Variants in SLC4A11 observed in about 807,000 individuals in gnomAD.
SLC4A11 encodes the protein solute carrier family 4 member 11.
A neutral mutation model predicts 95.0 loss-of-function variants in SLC4A11; 74 were observed. The observed-to-expected ratio is 0.78, with a 90% CI of 0.65 to 0.95. The LOEUF is 0.95. SLC4A11 is among the 40% of genes least tolerant of loss of function. SLC4A11 has a pLI of 0.00. For synonymous variants in SLC4A11, 548 were observed against 519.0 expected (o/e 1.06, Z -0.76); for missense variants, 1,081 against 1,192.4 (o/e 0.91, Z 1.38).
chr20:3,235,007 G>A, intron 2 of SLC4A11, 113 bp from the exon 3 acceptor site: 1 of 1,362,816 alleles, frequency 7.3e-7, no homozygotes, highest in Non-Finnish European at 1.0e-6. Context: ...TCGGGCCGTG[G>A]TGGGAGAGGC....
chr20:3,232,753 A>C (rs2067822920), intron 7 of SLC4A11, among the ~76,000 whole-genome samples: 1 of 151,952 alleles, frequency 6.6e-6, no homozygotes. Flanking sequence ...CAAATACAAA[A>C]CCCCAAAAGA....
Position 3,229,680 on chromosome 20 carries a change from T to C in SLC4A11, c.1586A>G (p.Asn529Ser), listed in dbSNP as rs2067685951. The C allele has an allele frequency of 6.2e-7, 1 of 1,613,684 alleles. No individual in the cohort carries two copies. The highest frequency in any genetic ancestry group is 1.3e-5 in the African/African-American group (1 of 74,900). ...GTTGAGGGCAGTGTGGAGGCTGGCG[T>C]TGAGGCTGGCGCCGAGGCCTGACAG... is the stretch of plus-strand genomic sequence containing the variant. ...VSLSGLGASL[N>S]ASLHTALNAS... The change falls in exon 14 of 20, where the codon AAC becomes AGC. Residue 529 changes from asparagine (N) to serine (S), a missense_variant. Asn to Ser is a conservative substitution (Grantham distance 46). Around this residue, in one of 3 missense-constraint regions of SLC4A11, gnomAD observed 767 missense variants for 858.0 expected, o/e 0.89. Transcript: ENST00000642402.
At position 3,234,098 on chromosome 20, in the gene SLC4A11, G is replaced by A. The variant is rs752442906; in HGVS notation, c.508C>T (p.Pro170Ser). The A allele has an allele frequency of 4.3e-6, 7 of 1,613,864 alleles. No homozygotes were observed. The South Asian group carries it at 5.5e-5, about 13-fold the overall frequency. ...CCGGCCTCACCTTTACCCCGCATGG[G>A]TGCCCCGGCATCGGTGAAGAGCATG... The part of the protein sequence containing the change: ...MAMLFTDAGA[P>S]MRGKVHLLSD... Residue 170 changes from proline to serine, a missense_variant, in exon 5 of 20, where the codon CCC becomes TCC. Pro to Ser is a moderately conservative substitution (Grantham distance 74, BLOSUM62 -1). Coordinates refer to ENST00000642402, the MANE Select transcript of SLC4A11 (RefSeq NM_001174089.2). The surrounding 1 kb of genome is among the most constrained non-coding windows in gnomAD (Gnocchi z 5.8).
rs751709036 is a variant in SLC4A11, at chr20:3,227,839, C to G, written c.2576G>C (p.Arg859Pro). The G allele has an allele frequency of 6.2e-7, 1 of 1,613,046 alleles. No homozygotes were observed. The highest frequency in any genetic ancestry group is 8.5e-7 in the Non-Finnish European group (1 of 1,179,816). The change falls in exon 20 of 20, where the codon CGA (arginine) becomes CCA (proline). Residue 859 changes from arginine to proline, a missense_variant. Physicochemically the swap from Arg to Pro is moderately radical, Grantham distance 103. Coordinates refer to ENST00000642402, the MANE Select transcript of SLC4A11 (RefSeq NM_001174089.2). ...ATCCAAGTACTTGGCTTCAATGATT[C>G]GGGGCAGCAGGATATAGCTGTGGGG... ...MIPIRYILLP[R>P]IIEAKYLDVM...
chr20:3,234,587 A>C lies in SLC4A11; in HGVS notation c.272T>G (p.Leu91Arg). Residue 91 changes from leucine (L) to arginine (R), a missense_variant, in exon 4 of 20, where the codon CTC (leucine) becomes CGC (arginine). Physicochemically the swap from Leu to Arg is moderately radical, Grantham distance 102. This residue lies in a region of SLC4A11 where 310 missense variants were observed against 313.5 expected (regional missense o/e 0.99). Coordinates refer to ENST00000642402, the MANE Select transcript of SLC4A11 (RefSeq NM_001174089.2). The surrounding 1 kb of genome is among the most constrained non-coding windows in gnomAD (Gnocchi z 5.8). The stretch of plus-strand genomic sequence containing the variant: ...ATTCACCTTTCGGGAGGTGTGCAGG[A>C]GCACACAGCCACCGGAAGTCGCTTC... The part of the protein sequence containing the change: ...ENEATSGGCV[L>R]LHTSRKYLKL... 1 of 1,613,848 alleles carries C rather than the reference A, an allele frequency of 6.2e-7. No homozygotes were observed. The highest frequency in any genetic ancestry group is 1.1e-5 in the South Asian group (1 of 91,086).
At chr20:3,237,615 GC>G in intron 1 of SLC4A11, 27 bp from the exon 2 acceptor site, 1 of 1,614,056 alleles carries the variant, frequency 6.2e-7, no homozygotes, top group Non-Finnish European at 8.5e-7. Context: ...AAGGTCACCA[GC>G]CCCATGGACC....
Position 3,227,738 on chromosome 20 carries a change from T to A in SLC4A11, c.*49A>T, listed in dbSNP as rs568198056. ...TCCCCTCACAGCTCCAGAGCCAGCC[T>A]GGGAGGACGTGGAGGGCTGGCGAAT... is the stretch of plus-strand genomic sequence containing the variant. On this transcript the variant is annotated 3_prime_UTR_variant, in exon 20 of 20. Transcript: ENST00000642402. 1 of 1,592,040 alleles carries A rather than the reference T, an allele frequency of 6.3e-7. No individual in the cohort carries two copies. The highest frequency in any genetic ancestry group is 1.7e-4 in the Middle Eastern group (1 of 6,016).
In SLC4A11 at chr20:3,231,362, T is replaced by C. The variant is rs144285319; in HGVS notation, c.916A>G (p.Thr306Ala). The stretch of plus-strand genomic sequence containing the variant: ...TGTCTGTGGGCAGGGAGGGAGACTG[T>C]GCTGCGTTCCTTCGTTCTCGGCGCC... ...PVAPRTKERS[T>A]VSLPAHRHPE... Residue 306 changes from threonine (T) to alanine (A), a missense_variant, in exon 8 of 20, where the codon ACA becomes GCA. Coordinates refer to ENST00000642402, the MANE Select transcript of SLC4A11 (RefSeq NM_001174089.2). The surrounding 1 kb of genome is among the most constrained non-coding windows in gnomAD (Gnocchi z 5.2). The C allele has an allele frequency of 7.2e-5, 116 of 1,614,038 alleles. No homozygotes were observed. In the African/African-American group the frequency reaches 1.3e-3, roughly 18 times the overall value.
intron 1 of SLC4A11, chr20:3,237,908 A>G: frequency 3.9e-6 from 6 of 1,550,664 alleles, no homozygotes; most frequent in Non-Finnish European, 5.2e-6. Context: ...TCGCTAATCC[A>G]GGTTTTCCTG....
At position 3,234,074 on chromosome 20, in the gene SLC4A11, C is replaced by T. The variant is rs200962876; in HGVS notation, c.523+9G>A. 291 of 1,613,786 alleles carry T rather than the reference C, an allele frequency of 1.8e-4. No homozygotes were observed. Among genetic ancestry groups the T allele is most frequent in the Non-Finnish European group, 2.2e-4 (255 of 1,180,018 alleles). On this transcript the variant is annotated intron_variant, in intron 5 of 19. Coordinates refer to ENST00000642402, the MANE Select transcript of SLC4A11 (RefSeq NM_001174089.2). The surrounding 1 kb of genome is among the most constrained non-coding windows in gnomAD (Gnocchi z 5.8). ...AACGCCCCCGCCCGGGCCGGGAGAC[C>T]GGCCTCACCTTTACCCCGCATGGGT... is the stretch of plus-strand genomic sequence containing the variant.
In SLC4A11 at chr20:3,230,293, G is replaced by T. The variant is rs374846828; in HGVS notation, c.1416-33C>A. 16 of 1,612,160 alleles carry T rather than the reference G, an allele frequency of 9.9e-6. No individual in the cohort carries two copies. In the African/African-American group the frequency reaches 2.0e-4, roughly 20 times the overall value. ...GAGGCCATGAGCCTCATCAGAGTGG[G>T]TGTGGTCAGGGGGCAGGTGGGGGAG... On this transcript the variant is annotated intron_variant, in intron 12 of 19. Transcript: ENST00000642402.
intron 15 of SLC4A11, 26 bp from the exon 16 acceptor site, chr20:3,229,289 A>G: frequency 1.2e-6 from 2 of 1,612,960 alleles, no homozygotes; most frequent in Non-Finnish European, 1.7e-6. Flanking sequence ...GGCTACTGCT[A>G]TGCCTGCAGC....
rs149596294 is a variant in SLC4A11, at chr20:3,231,216, A to G, written c.975T>C (p.Pro325=). The change falls in exon 9 of 20, where the codon CCT becomes CCC. Residue 325 remains proline, a synonymous_variant. Transcript: ENST00000642402. This position sits in a 1 kb window ranked among gnomAD's most constrained non-coding sequence, Gnocchi z 5.2. ...TGTCCTCCCGGATGCCCTTCCCAAA[A>G]GGGACAAAGTCCTTGCACTTTGGGG... The part of the protein sequence containing the change: ...PEPPKCKDFV[P]FGKGIREDIA... 5 of 1,614,070 alleles carry G rather than the reference A, an allele frequency of 3.1e-6. No individual in the cohort carries two copies. The highest frequency in any genetic ancestry group is 2.2e-5 in the South Asian group (2 of 91,080).
Position 3,230,109 on chromosome 20 carries a change from C to A in SLC4A11, c.1489+78G>T, listed in dbSNP as rs1232864958. ...ACTCAGCTTGAGCCAGTCCTATGTGCCCCCAGCCAGGGGCAGTGCAGAACC... is the reference window on the plus strand; with the variant it reads ...ACTCAGCTTGAGCCAGTCCTATGTGACCCCAGCCAGGGGCAGTGCAGAACC... On this transcript the variant is annotated intron_variant, in intron 13 of 19. Coordinates refer to ENST00000642402, the MANE Select transcript of SLC4A11 (RefSeq NM_001174089.2). The A allele has an allele frequency of 4.6e-6, 7 of 1,519,052 alleles. No homozygotes were observed. In the Admixed American group the frequency reaches 8.4e-5, roughly 18 times the overall value. The allele number at this position is 1,519,052 out of a possible 1,614,324, so 94.1% of individuals were successfully genotyped here. A position where few individuals can be genotyped will look rare whatever the true frequency, so the allele number is the denominator to read the frequency against.
chr20:3,229,688 G>C lies in SLC4A11; in HGVS notation c.1578C>G (p.Ala526=). 6.2e-7 allele frequency: 1 copy of C among 1,613,958 alleles called. No individual in the cohort carries two copies. The highest frequency in any genetic ancestry group is 1.1e-5 in the South Asian group (1 of 91,092). Residue 526 remains alanine (A), a synonymous_variant, in exon 14 of 20, where the codon GCC becomes GCG. Transcript: ENST00000642402. ...CAGTGTGGAGGCTGGCGTTGAGGCTGGCGCCGAGGCCTGACAGGCTGACAA... is the reference window on the plus strand; with the variant it reads ...CAGTGTGGAGGCTGGCGTTGAGGCTCGCGCCGAGGCCTGACAGGCTGACAA... The part of the protein sequence containing the change: ...SSLVSLSGLG[A]SLNASLHTAL...
At chr20:3,230,047 G>C in intron 13 of SLC4A11, 140 bp downstream of exon 13, 3 of 1,183,590 alleles carry the variant, frequency 2.5e-6, no homozygotes, top group Non-Finnish European at 3.7e-6. Flanking sequence ...GCCAGCCCAA[G>C]GCTCCCAGAG....
intron 1 of SLC4A11, chr20:3,238,662 C>T: frequency 1.0e-6 from 1 of 998,006 alleles, no homozygotes; most frequent in South Asian, 4.7e-5. Flanking sequence ...TCCAGGGGTT[C>T]CGGGGCTCCC....
chr20:3,238,376 G>A (rs2122661064), intron 1 of SLC4A11: 2 of 985,242 alleles, frequency 2.0e-6, no homozygotes, highest in Non-Finnish European at 2.4e-6. Context: ...GGGTCGGGGC[G>A]CAGGATGTGA....
At chr20:3,229,039 A>T (rs1162527690) in intron 16 of SLC4A11, 28 bp from the exon 17 acceptor site, 2 of 1,605,218 alleles carry the variant, frequency 1.2e-6, no homozygotes, top group South Asian at 1.1e-5. Context: ...TCGTGGACAG[A>T]GCCCCACAGC....
Sources: gnomAD v4.1 joint callset for allele counts (sites outside exome capture counted in the v4.1 genomes callset) on GRCh38, gnomAD v4.1.1 for gene constraint, gnomAD v4.1.1 regional missense constraint, Gnocchi (gnomAD v3.1) non-coding constraint, MANE v1.5 for transcripts, NCBI Gene and HGNC (gene_info 2026-07-23, HGNC 2026-07-21) for gene names.